Variants in FAAH2 observed in about 807,000 individuals in gnomAD.
The protein encoded by FAAH2 is fatty acid amide hydrolase 2.
In FAAH2, 60 loss-of-function variants were observed where a neutral mutation model predicts 36.9. The ratio of observed to expected loss-of-function variants is 1.63; its 90% CI spans 1.32 to 2.02. The LOEUF is 2.02. Ranked by LOEUF, FAAH2 falls within the 30% of genes most tolerant of loss-of-function variation. The pLI, the probability that FAAH2 is intolerant of heterozygous loss-of-function variation, is 0.00. For synonymous variants in FAAH2, 214 were observed against 143.8 expected, an observed-to-expected ratio of 1.49 and a Z score of -3.49; for missense variants, 689 against 397.5, an observed-to-expected ratio of 1.73 and a Z score of -6.23.
intron 6 of FAAH2, 34 bp from the exon 7 acceptor site, chrX:57,380,878 T>A (rs2054826588): frequency 3.4e-6 from 3 of 892,557 alleles, no homozygotes; most frequent in Non-Finnish European, 4.8e-6. Context: ...TCTAAATAAT[T>A]TGTTGATGTC....
chrX:57,184,448 G>A, the FAAH2 span, among the ~76,000 whole-genome samples: 2 of 112,040 alleles, frequency 1.8e-5, no homozygotes, highest in African/African-American at 6.5e-5. Context: ...TCTTTGTACT[G>A]TCTCTCTTTA....
At chrX:57,384,671 A>G (rs1284418598) in intron 7 of FAAH2, among the ~76,000 whole-genome samples, 6 of 110,812 alleles carry the variant, frequency 5.4e-5, no homozygotes, top group Non-Finnish European at 9.5e-5. Flanking sequence ...AAAGTCAGGA[A>G]ACAACAGGTG....
At chrX:57,221,519 C>T in the FAAH2 span, among the ~76,000 whole-genome samples, 5 of 110,837 alleles carry the variant, frequency 4.5e-5, no homozygotes, top group Non-Finnish European at 7.6e-5. Context: ...CGTCTCCTCT[C>T]CAGTCACCTA....
At chrX:57,258,010 ATAGC>A in the FAAH2 span, among the ~76,000 whole-genome samples, 1 of 111,909 alleles carries the variant, frequency 8.9e-6, no homozygotes, top group African/African-American at 3.2e-5. Flanking sequence ...CAAGAATAAC[ATAGC>A]TAGTTGCATC....
chrX:57,461,745 C>T (rs969071436), intron 10 of FAAH2, among the ~76,000 whole-genome samples: 2 of 109,338 alleles, frequency 1.8e-5, no homozygotes, highest in South Asian at 3.9e-4. Flanking sequence ...ATAAGAACTA[C>T]AGAAGAAAGA....
intron 7 of FAAH2, among the ~76,000 whole-genome samples, chrX:57,384,511 A>G (rs773833571): frequency 4.5e-5 from 5 of 110,556 alleles, no homozygotes; most frequent in African/African-American, 1.3e-4. Flanking sequence ...AAAAGTGGGC[A>G]AAGGATATGA....
At chrX:57,364,617 C>A (rs190320753) in intron 5 of FAAH2, among the ~76,000 whole-genome samples, 1 of 109,260 alleles carries the variant, frequency 9.2e-6, no homozygotes. Flanking sequence ...GTCTCTCTTG[C>A]TTGTCTAGTT....
intron 3 of FAAH2, among the ~76,000 whole-genome samples, chrX:57,311,642 G>A (rs1049707777): frequency 1.8e-5 from 2 of 112,130 alleles, no homozygotes; most frequent in Non-Finnish European, 3.8e-5. Flanking sequence ...AGAGAGCAGA[G>A]CCAGCTTCTT....
At position 57,400,178 on chromosome X, in the gene FAAH2, G is replaced by A. The variant is rs186570061; in HGVS notation, c.996+19149G>A. The stretch of plus-strand genomic sequence containing the variant: ...AATAAAGCCTGATATTTAAGCAAAC[G>A]GTTGTCTGACAGCCACAAGTCTTCT... On this transcript the variant is annotated intron_variant, in intron 7 of 10. Transcript: ENST00000374900. Among the ~76,000 whole-genome samples the A allele has an allele frequency of 4.0e-3, 448 of 112,228 alleles. 2 individuals carry two copies. Among genetic ancestry groups the A allele is most frequent in the African/African-American group, 0.014 (427 of 30,926 alleles).
intron 7 of FAAH2, chrX:57,394,401 C>T: frequency 8.4e-7 from 1 of 1,195,385 alleles, no homozygotes; most frequent in Admixed American, 2.2e-5. Context: ...TTTGTTTCAC[C>T]ATATAATTCT....
chrX:57,376,303 G>T (rs1348777724), intron 5 of FAAH2, among the ~76,000 whole-genome samples: 2 of 110,749 alleles, frequency 1.8e-5, no homozygotes, highest in South Asian at 7.7e-4. Flanking sequence ...TGTTACATAG[G>T]TGTATACGTG....
chrX:57,429,545 G>A (rs975398134), intron 7 of FAAH2, among the ~76,000 whole-genome samples: 2 of 111,351 alleles, frequency 1.8e-5, no homozygotes, highest in African/African-American at 3.3e-5. Context: ...ATATTGGCAA[G>A]TATGGAGAAA....
chrX:57,156,474 G>A, the FAAH2 span, among the ~76,000 whole-genome samples: 1 of 111,680 alleles, frequency 9.0e-6, no homozygotes, highest in African/African-American at 3.3e-5. Flanking sequence ...GAAGAGTTAT[G>A]TATTTATTTC....
At chrX:57,271,198 A>T in the FAAH2 span, among the ~76,000 whole-genome samples, 1 of 112,780 alleles carries the variant, frequency 8.9e-6, no homozygotes, top group Non-Finnish European at 1.9e-5. Context: ...TTATGATCAC[A>T]GTGTAAACAA....
At chrX:57,334,383 A>G (rs1277925542) in intron 4 of FAAH2, among the ~76,000 whole-genome samples, 1 of 110,943 alleles carries the variant, frequency 9.0e-6, no homozygotes, top group African/African-American at 3.3e-5. Context: ...AAAGTGAAAA[A>G]GAAATAAAGA....
chrX:57,455,091 T>C (rs2056845143), intron 10 of FAAH2, among the ~76,000 whole-genome samples: 1 of 111,695 alleles, frequency 9.0e-6, no homozygotes, highest in African/African-American at 3.3e-5. Flanking sequence ...CACCAGACTC[T>C]CTGTAAGAAC....
chrX:57,242,426 G>A, the FAAH2 span, among the ~76,000 whole-genome samples: 3 of 112,220 alleles, frequency 2.7e-5, no homozygotes, highest in South Asian at 3.7e-4. Context: ...CAAAGAAAAA[G>A]AAGGAACCCC....
intron 9 of FAAH2, among the ~76,000 whole-genome samples, 187 bp downstream of exon 9, chrX:57,447,226 G>A (rs922300891): frequency 1.8e-5 from 2 of 111,850 alleles, no homozygotes; most frequent in African/African-American, 6.5e-5. Context: ...TGCAAGAGGT[G>A]GGTTCTCATG....
intron 10 of FAAH2, among the ~76,000 whole-genome samples, chrX:57,473,502 GGTT>G (rs1443661940): frequency 9.0e-6 from 1 of 111,108 alleles, no homozygotes; most frequent in Non-Finnish European, 1.9e-5. Flanking sequence ...TATATTCTGT[GGTT>G]GTTGTGTATG....
Sources: gnomAD v4.1 joint callset for allele counts (sites outside exome capture counted in the v4.1 genomes callset) on GRCh38, gnomAD v4.1.1 for gene constraint, MANE v1.5 for transcripts, NCBI Gene and HGNC (gene_info 2026-07-23, HGNC 2026-07-21) for gene names.